The following RBPMS variants were observed in gnomAD, a reference collection of about 807,000 sequenced individuals.
RBPMS encodes RNA-binding protein with multiple splicing.
In RBPMS, 7 loss-of-function variants were observed where a neutral mutation model predicts 26.8. That is an observed-to-expected ratio of 0.26 (90% CI 0.15 to 0.49). The LOEUF (loss-of-function observed/expected upper bound fraction) is 0.49. Among genes scored for constraint, RBPMS ranks in the 20% least tolerant of loss-of-function variants. The probability of loss-of-function intolerance (pLI) is 0.98; values close to 1 mark genes in which losing one functional copy is unlikely to be tolerated. For synonymous variants in RBPMS, 96 were observed against 93.3 expected, an observed-to-expected ratio of 1.03 and a Z score of -0.17; for missense variants, 186 against 250.0, an observed-to-expected ratio of 0.74 and a Z score of 1.73.
chr8:30,531,197 A>C (rs1350961308), intron 5 of RBPMS, among the ~76,000 whole-genome samples: 1 of 152,050 alleles, frequency 6.6e-6, no homozygotes, highest in Non-Finnish European at 1.5e-5. Context: ...TCGGTTCTAG[A>C]TTTGTAGGGG....
At chr8:30,447,022 G>A (rs1255740577) in intron 1 of RBPMS, 1 of 151,974 alleles carries the variant, frequency 6.6e-6, no homozygotes, top group East Asian at 1.9e-4. Flanking sequence ...CAGGAAAAAA[G>A]CTCTTATTTT....
At chr8:30,393,462 G>A (rs1808027982) in intron 1 of RBPMS, among the ~76,000 whole-genome samples, 1 of 151,982 alleles carries the variant, frequency 6.6e-6, no homozygotes. Context: ...AAAAGGAAGA[G>A]TAGGATGAGC....
chr8:30,440,183 C>CT (rs1368665648), intron 1 of RBPMS, among the ~76,000 whole-genome samples: 1 of 152,152 alleles, frequency 6.6e-6, no homozygotes, highest in African/African-American at 2.4e-5. Flanking sequence ...AGCAATCCTC[C>CT]TTCCCAATGT....
At chr8:30,385,183 C>CG in intron 1 of RBPMS, 25 bp downstream of exon 1, 2 of 1,452,180 alleles carry the variant, frequency 1.4e-6, no homozygotes, top group South Asian at 1.4e-5. Context: ...GGTGTGGTGG[C>CG]GGGGGCGACG....
At chr8:30,561,978 T>C (rs529728773) in intron 7 of RBPMS, 76 of 985,346 alleles carry the variant, frequency 7.7e-5, no homozygotes, top group Admixed American at 2.5e-4. Context: ...GGACGAACAA[T>C]TGCCCTCCTT....
chr8:30,439,631 C>T (rs985986536), intron 1 of RBPMS, among the ~76,000 whole-genome samples: 1 of 151,858 alleles, frequency 6.6e-6, no homozygotes, highest in Non-Finnish European at 1.5e-5. Flanking sequence ...GCTAATTGCC[C>T]GTTTTTTGAC....
At chr8:30,469,771 G>A (rs1463699095) in intron 1 of RBPMS, among the ~76,000 whole-genome samples, 7 of 152,354 alleles carry the variant, frequency 4.6e-5, no homozygotes, top group East Asian at 3.9e-4. Context: ...TTCAGTTGGC[G>A]TAGTAATTCA....
chr8:30,465,195 C>T (rs62502007), intron 1 of RBPMS, among the ~76,000 whole-genome samples: 6,480 of 152,226 alleles, frequency 0.043, 197 homozygotes, highest in Non-Finnish European at 0.068. Flanking sequence ...TGACAGCATT[C>T]AGTGAATTTC....
rs5890522 is a variant in RBPMS at position 30,449,369 on chromosome 8, C to CTTTTTT, written c.67-25394_67-25389dup. On this transcript the variant is annotated intron_variant, in intron 1 of 8. Transcript: ENST00000397323. ...TTGGATCCTTTTCCTCACATCTCCT[C>CTTTTTT]TTTTTTTTTTTTTTTTTTTTTGAGA... Among the ~76,000 whole-genome samples the CTTTTTT allele has an allele frequency of 3.4e-4, 36 of 106,476 alleles. 1 individual carries two copies. The highest frequency in any genetic ancestry group is 1.2e-3 in the African/African-American group (31 of 25,128). The allele number at this position is 106,476 out of a possible 152,430, so 69.9% of individuals were successfully genotyped here.
Position 30,457,656 on chromosome 8 carries a change from G to A in RBPMS, c.67-17123G>A, listed in dbSNP as rs139054008. ...TGCCTAGTCTGGAGTGCAGTGGTGC[G>A]ATGGCTCCAACCTCTGCCTCCCGGG... On this transcript the variant is annotated intron_variant, in intron 1 of 8. Coordinates refer to ENST00000397323, the MANE Select transcript of RBPMS (RefSeq NM_001008710.3). Among the ~76,000 whole-genome samples the A allele has an allele frequency of 1.2e-4, 18 of 147,636 alleles. No individual in the cohort carries two copies. In the East Asian group the frequency reaches 1.4e-3, roughly 12 times the overall value.
In RBPMS at chr8:30,409,921, G is replaced by T. The variant is rs527253052; in HGVS notation, c.66+24763G>T. ...GCTGGGATTATAGGCGTGAGCCACCGCACCCAGCCTTACTTATATTCTTTT... is the reference window on the plus strand; with the variant it reads ...GCTGGGATTATAGGCGTGAGCCACCTCACCCAGCCTTACTTATATTCTTTT... On this transcript the variant is annotated intron_variant, in intron 1 of 8. Coordinates refer to ENST00000397323, the MANE Select transcript of RBPMS (RefSeq NM_001008710.3). 7.3e-4 allele frequency among the ~76,000 whole-genome samples: 111 copies of T among 152,014 alleles called. 2 individuals carry two copies. Among genetic ancestry groups the T allele is most frequent in the Non-Finnish European group, 3.4e-4 (23 of 68,012 alleles).
chr8:30,468,195 A>T (rs1449730140), intron 1 of RBPMS, among the ~76,000 whole-genome samples: 2 of 152,176 alleles, frequency 1.3e-5, no homozygotes, highest in Non-Finnish European at 2.9e-5. Context: ...TCAAGTATGA[A>T]TTTGCATTTG....
intron 4 of RBPMS, among the ~76,000 whole-genome samples, chr8:30,485,693 T>TC (rs934042962): frequency 5.9e-5 from 9 of 151,876 alleles, no homozygotes; most frequent in Admixed American, 4.6e-4. Context: ...TCCAGTGAAC[T>TC]CCCCCCAAAG....
chr8:30,531,942 C>T (rs1297726281), intron 5 of RBPMS, among the ~76,000 whole-genome samples: 5 of 151,988 alleles, frequency 3.3e-5, no homozygotes, highest in Admixed American at 3.3e-4. Context: ...GTCAGAGTCT[C>T]CCAAGGTACT....
chr8:30,566,147 C>A, intron 7 of RBPMS, 110 bp from the exon 8 acceptor site: 1 of 412,770 alleles, frequency 2.4e-6, no homozygotes, highest in Non-Finnish European at 3.3e-6. Context: ...TCTCTTTCGG[C>A]GTTGCCTCTC....
intron 6 of RBPMS, among the ~76,000 whole-genome samples, chr8:30,550,054 G>A (rs1246556390): frequency 6.6e-6 from 1 of 151,986 alleles, no homozygotes; most frequent in Non-Finnish European, 1.5e-5. Flanking sequence ...GTTTCACTGT[G>A]TTAGCCAGGA....
At chr8:30,502,934 T>C (rs1820709815) in intron 4 of RBPMS, among the ~76,000 whole-genome samples, 1 of 142,242 alleles carries the variant, frequency 7.0e-6, no homozygotes, top group African/African-American at 2.5e-5. Flanking sequence ...ACAGGCACTA[T>C]CTGTTCGCTT....
intron 1 of RBPMS, among the ~76,000 whole-genome samples, chr8:30,407,836 T>C (rs1175987857): frequency 8.4e-6 from 1 of 119,138 alleles, no homozygotes; most frequent in Admixed American, 9.4e-5. Context: ...CAGCCTGGAT[T>C]TGAACCTGGT....
intron 1 of RBPMS, among the ~76,000 whole-genome samples, chr8:30,457,617 G>T (rs1815380778): frequency 7.1e-6 from 1 of 140,736 alleles, no homozygotes; most frequent in South Asian, 2.2e-4. Context: ...TTTTGAGATG[G>T]AGTCTTGCTC....
Sources: gnomAD v4.1 joint callset for allele counts (sites outside exome capture counted in the v4.1 genomes callset) on GRCh38, gnomAD v4.1.1 for gene constraint, MANE v1.5 for transcripts, NCBI Gene and HGNC (gene_info 2026-07-23, HGNC 2026-07-21) for gene names.